Variants in HTR4 observed in about 807,000 individuals in gnomAD.
The protein encoded by HTR4 is 5-hydroxytryptamine (serotonin) receptor 4, G protein-coupled.
A neutral mutation model predicts 36.8 loss-of-function variants in HTR4; 16 were observed. The observed-to-expected ratio is 0.43, with a 90% CI of 0.29 to 0.66. The LOEUF is 0.66. Among genes scored for constraint, HTR4 ranks in the 30% least tolerant of loss-of-function variants. The pLI is 0.13. For synonymous variants in HTR4, 189 were observed against 185.1 expected, an observed-to-expected ratio of 1.02 and a Z score of -0.17; for missense variants, 438 against 490.9, an observed-to-expected ratio of 0.89 and a Z score of 1.02.
downstream of HTR4, among the ~76,000 whole-genome samples, chr5:148,474,775 T>G (rs55643339): frequency 2.0e-5 from 3 of 152,158 alleles, no homozygotes; most frequent in Non-Finnish European, 2.9e-5. Flanking sequence ...GGCTCTGCTG[T>G]TTATAACTTG....
At chr5:148,610,847 T>C (rs1303463459) in intron 2 of HTR4, among the ~76,000 whole-genome samples, 2 of 144,742 alleles carry the variant, frequency 1.4e-5, no homozygotes, top group African/African-American at 5.3e-5. Flanking sequence ...CTGATGGAGC[T>C]GAAAACCAAG....
intron 2 of HTR4, among the ~76,000 whole-genome samples, chr5:148,598,524 C>G (rs557186221): frequency 3.3e-4 from 50 of 151,764 alleles, no homozygotes; most frequent in African/African-American, 1.2e-3. Flanking sequence ...TGCACTCCAG[C>G]CTGGGTGACA....
At chr5:148,640,122 G>A (rs1344719155) in intron 1 of HTR4, among the ~76,000 whole-genome samples, 1 of 152,144 alleles carries the variant, frequency 6.6e-6, no homozygotes, top group Non-Finnish European at 1.5e-5. Context: ...TCACGGCTAT[G>A]AATTCCAAAA....
At chr5:148,480,327 G>A (rs1014528994), downstream of HTR4, among the ~76,000 whole-genome samples, 2 of 152,176 alleles carry the variant, frequency 1.3e-5, no homozygotes, top group Non-Finnish European at 2.9e-5. Context: ...AGGATGGGTG[G>A]ATTTGGAAGA....
intron 2 of HTR4, among the ~76,000 whole-genome samples, chr5:148,554,168 CGG>C (rs1459393709): frequency 6.6e-6 from 1 of 152,082 alleles, no homozygotes; most frequent in Non-Finnish European, 1.5e-5. Context: ...CTCTGCCTCC[CGG>C]GTTCAAGTTA....
intron 2 of HTR4, among the ~76,000 whole-genome samples, chr5:148,626,890 A>T (rs1753129799): frequency 1.3e-5 from 2 of 152,166 alleles, no homozygotes; most frequent in African/African-American, 4.8e-5. Flanking sequence ...CTTTCTATAG[A>T]CATTTTTTTA....
At chr5:148,600,352 T>A (rs1040245183) in intron 2 of HTR4, among the ~76,000 whole-genome samples, 29 of 147,848 alleles carry the variant, frequency 2.0e-4, no homozygotes, top group Middle Eastern at 3.6e-3. Context: ...TATATATATT[T>A]TTTTTTCACA....
At chr5:148,512,605 T>C (rs1757544991) in intron 5 of HTR4, among the ~76,000 whole-genome samples, 2 of 152,156 alleles carry the variant, frequency 1.3e-5, no homozygotes, top group African/African-American at 4.8e-5. Context: ...AGTACTTGTA[T>C]CTTGTTTATG....
At chr5:148,477,891 G>C (rs1755749449), downstream of HTR4, among the ~76,000 whole-genome samples, 1 of 152,092 alleles carries the variant, frequency 6.6e-6, no homozygotes, top group African/African-American at 2.4e-5. Flanking sequence ...TGACTCCTTA[G>C]AATGCTTGTC....
chr5:148,513,844 T>G (rs1231685913), intron 5 of HTR4, among the ~76,000 whole-genome samples: 1 of 152,180 alleles, frequency 6.6e-6, no homozygotes, highest in African/African-American at 2.4e-5. Flanking sequence ...TTTGTTAGAT[T>G]TGTTTCTAAG....
At chr5:148,503,721 C>T (rs1017616298) in intron 6 of HTR4, among the ~76,000 whole-genome samples, 11 of 152,104 alleles carry the variant, frequency 7.2e-5, no homozygotes, top group Non-Finnish European at 1.5e-4. Flanking sequence ...AGTCAAGACC[C>T]ATCAGTGTGC....
At chr5:148,557,411 A>T (rs1268925605) in intron 2 of HTR4, among the ~76,000 whole-genome samples, 1 of 152,204 alleles carries the variant, frequency 6.6e-6, no homozygotes, top group Non-Finnish European at 1.5e-5. Context: ...ATTTAATGAG[A>T]TGGGTGAAAC....
Position 148,654,422 on chromosome 5 carries a change from T to G in HTR4, c.-408A>C. ...GCCAGGGACAGCGGGGGTGCCGCTC[T>G]GCCGGCAGGGCGCACAGGGGAGTGG... On this transcript the variant is annotated 5_prime_UTR_variant, in exon 1 of 7. Transcript: ENST00000377888. 1.0e-6 allele frequency: 1 copy of G among 985,468 alleles called. No individual in the cohort carries two copies. The highest frequency in any genetic ancestry group is 1.2e-6 in the Non-Finnish European group (1 of 829,976). The allele number at this position is 985,468 out of a possible 1,614,324, so 61.0% of individuals were successfully genotyped here.
At chr5:148,610,217 A>G (rs1268608104) in intron 2 of HTR4, among the ~76,000 whole-genome samples, 1 of 152,198 alleles carries the variant, frequency 6.6e-6, no homozygotes, top group Non-Finnish European at 1.5e-5. Context: ...CCAAATAGGA[A>G]CAGCTCCGGT....
In HTR4 at chr5:148,465,992, GA is replaced by G. The variant is rs373622833; in HGVS notation, c.1077-14721del. The G allele has an allele frequency of 3.0e-4, 434 of 1,456,200 alleles. No individual in the cohort carries two copies. In the African/African-American group the frequency reaches 3.3e-3, roughly 11 times the overall value. 90.2% of individuals were successfully genotyped at this position (1,456,200 alleles called of 1,614,324 possible). A position where few individuals can be genotyped will look rare whatever the true frequency, so the allele number is the denominator to read the frequency against. On this transcript the variant is annotated intron_variant, in intron 5 of 5. Coordinates refer to the HTR4 transcript ENST00000521530. ...CAAGCAGAATTTGGGAAAGAAAAAAGAAAAAAAAAACATAGAGATTAGTAGA... is the reference window on the plus strand; with the variant it reads ...CAAGCAGAATTTGGGAAAGAAAAAAGAAAAAAAAACATAGAGATTAGTAGA...
downstream of HTR4, chr5:148,476,649 T>A: frequency 6.3e-7 from 1 of 1,592,268 alleles, no homozygotes; most frequent in Non-Finnish European, 8.5e-7. Flanking sequence ...ATCCAATGAA[T>A]TTATTTGATA....
chr5:148,634,553 T>A (rs72837416), intron 2 of HTR4, among the ~76,000 whole-genome samples: 2,227 of 152,318 alleles, frequency 0.015, 18 homozygotes, highest in Middle Eastern at 0.027. Flanking sequence ...TTATAGCCCA[T>A]GCTGAGCTCA....
At chr5:148,473,584 T>C (rs138079266), downstream of HTR4, among the ~76,000 whole-genome samples, 95 of 152,322 alleles carry the variant, frequency 6.2e-4, 4 homozygotes, top group East Asian at 0.017. Flanking sequence ...TGGCTTTCTG[T>C]TTTTTGTGAC....
rs112834456 is a variant in HTR4 at position 148,460,503 on chromosome 5, G to GA, written c.1077-9232dup. Among the ~76,000 whole-genome samples, 131 of 150,320 alleles carry GA rather than the reference G, an allele frequency of 8.7e-4. 2 individuals carry two copies. The South Asian group carries it at 0.017, about 19-fold the overall frequency. Reference sequence around the variant, plus strand: ...AGTGAAATGTTTAAAGTGTTGAGAGGAAAAAAAAATGGCAACCTGGAATTC... The same window carrying GA: ...AGTGAAATGTTTAAAGTGTTGAGAGGAAAAAAAAAATGGCAACCTGGAATTC... On this transcript the variant is annotated intron_variant, in intron 5 of 5. Coordinates refer to the HTR4 transcript ENST00000521530.
Sources: gnomAD v4.1 joint callset for allele counts (sites outside exome capture counted in the v4.1 genomes callset) on GRCh38, gnomAD v4.1.1 for gene constraint, MANE v1.5 for transcripts, NCBI Gene and HGNC (gene_info 2026-07-23, HGNC 2026-07-21) for gene names.